The following SLC14A2 variants were observed in gnomAD, a reference collection of about 807,000 sequenced individuals.
SLC14A2 encodes urea transporter 2.
SLC14A2 carries 91 observed loss-of-function variants against 104.6 expected under a neutral mutation model. That is an observed-to-expected ratio of 0.87 (90% CI 0.73 to 1.04). The LOEUF (loss-of-function observed/expected upper bound fraction) is 1.04, where lower values mean the gene tolerates loss of function less well. Ranked by LOEUF, SLC14A2 falls within the 50% of genes least tolerant of loss-of-function variation. The probability of loss-of-function intolerance (pLI) is 0.00; values close to 1 mark genes in which losing one functional copy is unlikely to be tolerated. For synonymous variants in SLC14A2, 476 were observed against 466.4 expected, an observed-to-expected ratio of 1.02 and a Z score of -0.27; for missense variants, 1,189 against 1,156.0, an observed-to-expected ratio of 1.03 and a Z score of -0.41.
At chr18:45,424,315 T>C (rs2086392164) in intron 1 of SLC14A2, among the ~76,000 whole-genome samples, 1 of 152,228 alleles carries the variant, frequency 6.6e-6, no homozygotes, top group Non-Finnish European at 1.5e-5. Flanking sequence ...ATAAAGGGGT[T>C]GGTTCTGTAG....
the SLC14A2 span, among the ~76,000 whole-genome samples, chr18:45,198,809 T>A: frequency 6.6e-6 from 1 of 152,148 alleles, no homozygotes; most frequent in Non-Finnish European, 1.5e-5. Flanking sequence ...ACTCTAATTT[T>A]CTTGCTACTG....
At chr18:45,572,177 AAC>A (rs1428029779) in intron 2 of SLC14A2, among the ~76,000 whole-genome samples, 1 of 152,232 alleles carries the variant, frequency 6.6e-6, no homozygotes, top group African/African-American at 2.4e-5. Flanking sequence ...AGAGTTAATT[AAC>A]ACATATGCAT....
At chr18:45,397,277 A>G (rs1020141809) in intron 1 of SLC14A2, among the ~76,000 whole-genome samples, 4 of 152,172 alleles carry the variant, frequency 2.6e-5, no homozygotes, top group Non-Finnish European at 4.4e-5. Context: ...TTACACTTCC[A>G]CCAACACCAT....
chr18:45,326,873 G>A (rs1043299008), intron 1 of SLC14A2, among the ~76,000 whole-genome samples: 2 of 152,174 alleles, frequency 1.3e-5, no homozygotes, highest in East Asian at 3.9e-4. Context: ...TTTAGTAGAG[G>A]GTCTTACATG....
intron 2 of SLC14A2, among the ~76,000 whole-genome samples, chr18:45,593,376 G>A (rs1000116660): frequency 6.6e-6 from 1 of 151,642 alleles, no homozygotes; most frequent in Non-Finnish European, 1.5e-5. Flanking sequence ...AGGGACGTAG[G>A]CTAGAGCTCT....
chr18:45,567,474 G>A (rs1161396644), intron 2 of SLC14A2, among the ~76,000 whole-genome samples: 4 of 152,330 alleles, frequency 2.6e-5, no homozygotes, highest in African/African-American at 9.6e-5. Flanking sequence ...TTGAGCAAAG[G>A]GAAGCTTCTC....
Position 45,408,855 on chromosome 18 carries a change from C to T in SLC14A2, c.-124-74378C>T, listed in dbSNP as rs57217578. On this transcript the variant is annotated intron_variant, in intron 1 of 20. Transcript: ENST00000586448. ...GTTCAAGACCAGGTTCTATGACCAACTAGCTGTGTGACTTTGTGTATATTA... is the reference window on the plus strand; with the variant it reads ...GTTCAAGACCAGGTTCTATGACCAATTAGCTGTGTGACTTTGTGTATATTA... Among the ~76,000 whole-genome samples the T allele has an allele frequency of 3.1e-3, 476 of 152,304 alleles. 4 individuals are homozygous for T. Among genetic ancestry groups the T allele is most frequent in the African/African-American group, 0.011 (453 of 41,566 alleles).
intron 1 of SLC14A2, among the ~76,000 whole-genome samples, chr18:45,365,451 G>A (rs538446671): frequency 2.6e-5 from 4 of 152,206 alleles, no homozygotes; most frequent in Admixed American, 6.5e-5. Flanking sequence ...TGCTAGGCAC[G>A]AACTTCATGG....
chr18:45,285,833 C>A (rs983734318), intron 1 of SLC14A2, among the ~76,000 whole-genome samples: 1 of 152,074 alleles, frequency 6.6e-6, no homozygotes, highest in African/African-American at 2.4e-5. Flanking sequence ...ACAGTTTGGC[C>A]ACTGATTGGA....
upstream of SLC14A2, among the ~76,000 whole-genome samples, chr18:45,210,526 C>T (rs530276841): frequency 5.9e-5 from 9 of 152,236 alleles, no homozygotes; most frequent in African/African-American, 2.2e-4. Context: ...CTGCAGTGAG[C>T]GATGATTGCT....
the SLC14A2 span, among the ~76,000 whole-genome samples, chr18:45,206,106 A>T: frequency 6.6e-6 from 1 of 152,258 alleles, no homozygotes; most frequent in Admixed American, 6.5e-5. Flanking sequence ...GATAGTGGTC[A>T]CTGAAAACAG....
chr18:45,358,373 T>C (rs1270172441), intron 1 of SLC14A2, among the ~76,000 whole-genome samples: 5 of 152,106 alleles, frequency 3.3e-5, no homozygotes, highest in African/African-American at 9.7e-5. Context: ...TTCATTTCTA[T>C]GAAAAAGAAA....
chr18:45,253,435 GCTT>G (rs1568122292), intron 1 of SLC14A2, among the ~76,000 whole-genome samples: 1 of 151,874 alleles, frequency 6.6e-6, no homozygotes, highest in Non-Finnish European at 1.5e-5. Context: ...TCTACACAAT[GCTT>G]CTTAAAATAG....
rs116527463 is a variant in SLC14A2 at position 45,645,278 on chromosome 18, G to A, written c.1351+1118G>A. On this transcript the variant is annotated intron_variant, in intron 10 of 19. Transcript: ENST00000255226. Reference sequence around the variant, plus strand: ...TCCAGTCTATCAAGACTTTGCTATTGTATACAGTGCTGTGATAAACATATG... The same window carrying A: ...TCCAGTCTATCAAGACTTTGCTATTATATACAGTGCTGTGATAAACATATG... 3.2e-3 allele frequency among the ~76,000 whole-genome samples: 482 copies of A among 152,148 alleles called. 2 individuals are homozygous for A. The highest frequency in any genetic ancestry group is 0.011 in the African/African-American group (465 of 41,512).
intron 1 of SLC14A2, among the ~76,000 whole-genome samples, chr18:45,352,655 A>G (rs1038452372): frequency 1.3e-5 from 2 of 152,064 alleles, no homozygotes. Context: ...AATGTTTACA[A>G]GTGACACCAA....
At chr18:45,382,014 C>T (rs914804997) in intron 1 of SLC14A2, among the ~76,000 whole-genome samples, 2 of 152,164 alleles carry the variant, frequency 1.3e-5, no homozygotes, top group African/African-American at 4.8e-5. Flanking sequence ...GCACCCTCCC[C>T]CTAACAGCTT....
intron 1 of SLC14A2, among the ~76,000 whole-genome samples, chr18:45,337,236 C>A (rs2085346486): frequency 6.6e-6 from 1 of 151,932 alleles, no homozygotes; most frequent in African/African-American, 2.4e-5. Flanking sequence ...TAGAGGAGAC[C>A]AACATGCAAA....
At chr18:45,414,929 G>A (rs1027587618) in intron 1 of SLC14A2, among the ~76,000 whole-genome samples, 5 of 151,134 alleles carry the variant, frequency 3.3e-5, no homozygotes, top group Admixed American at 6.6e-5. Context: ...TTTATTTTCA[G>A]CAGAGTCCGA....
chr18:45,381,451 A>G (rs4131184), intron 1 of SLC14A2, among the ~76,000 whole-genome samples: 1 of 152,188 alleles, frequency 6.6e-6, no homozygotes. Flanking sequence ...CACCACAGTC[A>G]CCCCAAACTG....
Sources: allele counts gnomAD v4.1 joint callset (sites outside exome capture counted in the v4.1 genomes callset), GRCh38; gene constraint gnomAD v4.1.1; transcripts MANE v1.5; gene names NCBI Gene and HGNC (gene_info 2026-07-23, HGNC 2026-07-21).